The following PSTPIP1 variants were observed in gnomAD, a reference collection of about 807,000 sequenced individuals.
PSTPIP1 encodes proline-serine-threonine phosphatase-interacting protein 1.
Under a neutral mutation model 69.6 loss-of-function variants are expected in PSTPIP1, and 66 were observed. The observed-to-expected ratio is 0.95, with a 90% confidence interval of 0.78 to 1.16. The LOEUF is 1.16. Ranked by LOEUF, PSTPIP1 falls within the 50% of genes most tolerant of loss-of-function variation. PSTPIP1 has a pLI of 0.00. For synonymous variants in PSTPIP1, 266 were observed against 222.7 expected, an observed-to-expected ratio of 1.19 and a Z score of -1.73; for missense variants, 603 against 557.4, an observed-to-expected ratio of 1.08 and a Z score of -0.82.
At chr15:77,021,218 G>A (rs1307736859) in intron 3 of PSTPIP1, among the ~76,000 whole-genome samples, 2 of 152,214 alleles carry the variant, frequency 1.3e-5, no homozygotes, top group African/African-American at 4.8e-5. Context: ...CCACCCTCAG[G>A]CCTGGAGGCT....
At chr15:76,999,472 T>C (rs1435711781) in intron 1 of PSTPIP1, 1 of 152,142 alleles carries the variant, frequency 6.6e-6, no homozygotes, top group East Asian at 1.9e-4. Flanking sequence ...ACAGATGAGA[T>C]TTCACCATGT....
At chr15:77,019,759 GCAGGCTGGGCA>G (rs1469526361) in intron 3 of PSTPIP1, among the ~76,000 whole-genome samples, 2 of 109,806 alleles carry the variant, frequency 1.8e-5, no homozygotes, top group Non-Finnish European at 4.7e-5. Context: ...AGGGCCGGGT[GCAGGCTGGGCA>G]CAGAGGAGGG....
At chr15:76,994,728 T>C, upstream of PSTPIP1, 1 of 1,286,646 alleles carries the variant, frequency 7.8e-7, no homozygotes. Context: ...CTGTGTCTGC[T>C]CCCAGACTAT....
Position 77,027,418 on chromosome 15 carries a change from G to A in PSTPIP1, c.355-434G>A, listed in dbSNP as rs2076304573. 6.6e-6 allele frequency among the ~76,000 whole-genome samples: 1 copy of A among 152,210 alleles called. No homozygotes were observed. The highest frequency in any genetic ancestry group is 2.4e-5 in the African/African-American group (1 of 41,444). ...TCTGTGGGTGTGCACAGGAATGCCT[G>A]TGATCATGCGTGTGGGCAGCTAGGG... On this transcript the variant is annotated intron_variant, in intron 5 of 14. Coordinates refer to ENST00000558012, the MANE Select transcript of PSTPIP1 (RefSeq NM_003978.5). The surrounding 1 kb of genome is among the most constrained non-coding windows in gnomAD (Gnocchi z 4.3).
At chr15:76,995,706 C>G (rs1291480080) in intron 1 of PSTPIP1, 97 bp downstream of exon 1, 38 of 1,593,110 alleles carry the variant, frequency 2.4e-5, no homozygotes, top group Non-Finnish European at 3.3e-5. Context: ...GAGAGGGGAG[C>G]TTTCTCATAA....
Position 77,032,937 on chromosome 15 carries a change from G to A in PSTPIP1, c.914G>A (p.Cys305Tyr). The A allele has an allele frequency of 4.4e-6, 7 of 1,603,576 alleles. No individual in the cohort carries two copies. Among genetic ancestry groups the A allele is most frequent in the Non-Finnish European group, 5.1e-6 (6 of 1,175,472 alleles). Residue 305 changes from cysteine (C) to tyrosine (Y), a missense_variant, in exon 12 of 15, where the codon TGC (cysteine) becomes TAC (tyrosine). Cys to Tyr is a radical substitution (Grantham distance 194). Transcript: ENST00000558012. ...AGCAGCCCTGGCATACAGCCGTCCT[G>A]CGGCATGATAAAGAGGTGAGGCCCC... Reference protein sequence around the residue: ...LTSSPGIQPSCGMIKRFSGLL... With the variant: ...LTSSPGIQPSYGMIKRFSGLL...
intron 1 of PSTPIP1, among the ~76,000 whole-genome samples, chr15:77,008,987 C>T (rs1176496455): frequency 1.3e-5 from 2 of 152,200 alleles, no homozygotes; most frequent in Non-Finnish European, 2.9e-5. Flanking sequence ...CCCAGTGGCC[C>T]GCTTCGATCC....
intron 1 of PSTPIP1, among the ~76,000 whole-genome samples, chr15:77,005,709 C>G (rs766188597): frequency 6.6e-6 from 1 of 152,210 alleles, no homozygotes; most frequent in Non-Finnish European, 1.5e-5. Context: ...TTTGCCTATT[C>G]TAGGCATCTC....
rs143940023 is a variant in PSTPIP1, at chr15:77,016,122, A to G, written c.37-2026A>G. 2,318 of 451,142 alleles carry G rather than the reference A, an allele frequency of 5.1e-3. 15 individuals carry two copies. The highest frequency in any genetic ancestry group is 7.3e-3 in the Non-Finnish European group (1,635 of 223,272). 27.9% of individuals were successfully genotyped at this position (451,142 alleles called of 1,614,324 possible). A position where few individuals can be genotyped will look rare whatever the true frequency, so the allele number is the denominator to read the frequency against. On this transcript the variant is annotated intron_variant, in intron 1 of 14. Coordinates refer to ENST00000558012, the MANE Select transcript of PSTPIP1 (RefSeq NM_003978.5). ...GCCTCTCCAGAGGTATCAGGAAGGAATGACAGGTCCCCTGAGAGTCCGGAT... is the reference window on the plus strand; with the variant it reads ...GCCTCTCCAGAGGTATCAGGAAGGAGTGACAGGTCCCCTGAGAGTCCGGAT...
intron 1 of PSTPIP1, 85 bp downstream of exon 1, chr15:76,995,694 C>A: frequency 6.2e-7 from 1 of 1,604,008 alleles, no homozygotes; most frequent in Admixed American, 1.7e-5. Context: ...GGATGCGGCT[C>A]CGAGAGGGGA....
At chr15:77,020,934 T>TGGCCCACCCTCCAG (rs1350119047) in intron 3 of PSTPIP1, among the ~76,000 whole-genome samples, 1 of 147,246 alleles carries the variant, frequency 6.8e-6, no homozygotes, top group Non-Finnish European at 1.5e-5. Context: ...TCGGGGCTGG[T>TGGCCCACCCTCCAG]GGCCCACCCT....
At chr15:77,001,293 A>G (rs2075702141) in intron 1 of PSTPIP1, among the ~76,000 whole-genome samples, 1 of 152,198 alleles carries the variant, frequency 6.6e-6, no homozygotes, top group South Asian at 2.1e-4. Flanking sequence ...GAGTGGGGCC[A>G]GTTCTCCAGC....
intron 10 of PSTPIP1, chr15:77,031,823 C>A: frequency 5.6e-6 from 1 of 178,260 alleles, no homozygotes; most frequent in Non-Finnish European, 1.2e-5. Flanking sequence ...CAGCCCTGGC[C>A]CCCTTGCCTG....
intron 2 of PSTPIP1, 28 bp downstream of exon 2, chr15:77,018,276 C>A (rs79438763): frequency 1.9e-6 from 3 of 1,557,468 alleles, no homozygotes; most frequent in Non-Finnish European, 2.6e-6. Flanking sequence ...CCATGGGGAG[C>A]GCAGGCAGGA....
At chr15:77,024,170 G>A (rs1184938018) in intron 3 of PSTPIP1, 2 of 152,256 alleles carry the variant, frequency 1.3e-5, no homozygotes. Flanking sequence ...CGAAGCCTCA[G>A]CCTCAGGAGG....
chr15:77,037,047 C>T lies in PSTPIP1; in HGVS notation c.1122C>T (p.Asn374=). Residue 374 remains asparagine, a splice_region_variant and synonymous_variant, in exon 15 of 15, where the codon AAC becomes AAT. Transcript: ENST00000558012. Reference sequence around the variant, plus strand: ...TGCGCTTTCAATCTCTTGGCCAGAACCCAGATGAGCTGGACCTGTCCGCGG... The same window carrying T: ...TGCGCTTTCAATCTCTTGGCCAGAATCCAGATGAGCTGGACCTGTCCGCGG... ...YRALYDYTAQ[N]PDELDLSAGD... 1 of 1,611,996 alleles carries T rather than the reference C, an allele frequency of 6.2e-7. No homozygotes were observed. The highest frequency in any genetic ancestry group is 8.5e-7 in the Non-Finnish European group (1 of 1,179,514).
chr15:77,036,057 C>A, intron 14 of PSTPIP1, 122 bp downstream of exon 14: 1 of 1,327,230 alleles, frequency 7.5e-7, no homozygotes, highest in Non-Finnish European at 1.0e-6. Context: ...CGAGCATCCT[C>A]TCCTCCTCAG....
intron 8 of PSTPIP1, among the ~76,000 whole-genome samples, chr15:77,030,045 G>A (rs369568537): frequency 1.5e-4 from 23 of 152,018 alleles, no homozygotes; most frequent in African/African-American, 5.1e-4. Flanking sequence ...CCCTGGGAAG[G>A]CCTCTCCCTT....
chr15:77,021,354 C>T (rs2076156984), intron 3 of PSTPIP1, among the ~76,000 whole-genome samples: 1 of 152,146 alleles, frequency 6.6e-6, no homozygotes, highest in Admixed American at 6.5e-5. Context: ...AGACCCAGTC[C>T]CCAAACTCCA....
Sources: gnomAD v4.1 joint callset for allele counts (sites outside exome capture counted in the v4.1 genomes callset) on GRCh38, gnomAD v4.1.1 for gene constraint, Gnocchi (gnomAD v3.1) non-coding constraint, MANE v1.5 for transcripts, NCBI Gene and HGNC (gene_info 2026-07-23, HGNC 2026-07-21) for gene names.